Variants in PTCHD1 observed in about 807,000 individuals in gnomAD.
PTCHD1 encodes patched domain containing 1, also known as patched domain-containing protein 1.
Under a neutral mutation model 34.6 loss-of-function variants are expected in PTCHD1, and 3 were observed. The observed-to-expected ratio is 0.09, with a 90% CI of 0.04 to 0.22. The LOEUF is 0.22. PTCHD1 is among the 10% of genes least tolerant of loss of function. The pLI, the probability that PTCHD1 is intolerant of heterozygous loss-of-function variation, is 1.00. For missense variants in PTCHD1, 504 were observed against 685.5 expected, an observed-to-expected ratio of 0.74 and a Z score of 2.96; for synonymous variants, 305 against 283.1, an observed-to-expected ratio of 1.08 and a Z score of -0.77.
intron 1 of PTCHD1, among the ~76,000 whole-genome samples, chrX:23,360,893 C>A (rs1482436052): frequency 8.9e-6 from 1 of 112,209 alleles, no homozygotes; most frequent in Non-Finnish European, 1.9e-5. Flanking sequence ...TTTCTGCCTT[C>A]ATTTCGTTAT....
rs1922043364 is a variant in PTCHD1, at chrX:23,363,341, G to A, written c.352-16250G>A. ...GCTTCCAGGGCAGCTTTGTTTACCTGCTCAAGCCTCAGCAGTGGCGGACGC... is the reference window on the plus strand; with the variant it reads ...GCTTCCAGGGCAGCTTTGTTTACCTACTCAAGCCTCAGCAGTGGCGGACGC... On this transcript the variant is annotated intron_variant, in intron 1 of 2. Transcript: ENST00000379361. Among the ~76,000 whole-genome samples the A allele has an allele frequency of 2.7e-5, 3 of 112,627 alleles. No homozygotes were observed. The Admixed American group carries it at 2.8e-4, about 11-fold the overall frequency.
chrX:23,355,177 G>A (rs753442943), intron 1 of PTCHD1, among the ~76,000 whole-genome samples: 15 of 110,581 alleles, frequency 1.4e-4, no homozygotes, highest in Admixed American at 4.8e-4. Flanking sequence ...GAGATTCCAC[G>A]GAAGGTGTCC....
chrX:23,346,963 T>G (rs184424188), intron 1 of PTCHD1, among the ~76,000 whole-genome samples: 5 of 112,236 alleles, frequency 4.5e-5, no homozygotes, highest in Admixed American at 1.9e-4. Flanking sequence ...AGGTCTCAAT[T>G]TCTTCATCTA....
At chrX:23,335,871 G>C (rs916403953) in intron 1 of PTCHD1, among the ~76,000 whole-genome samples, 1 of 112,070 alleles carries the variant, frequency 8.9e-6, no homozygotes, top group Admixed American at 9.4e-5. Flanking sequence ...CTATCTTCTA[G>C]GGTATGAAAT....
At chrX:23,387,730 T>G in intron 2 of PTCHD1, among the ~76,000 whole-genome samples, 1 of 111,680 alleles carries the variant, frequency 9.0e-6, no homozygotes, top group African/African-American at 3.3e-5. Context: ...CTTCAATCTC[T>G]CTCTCTCTCT....
intron 1 of PTCHD1, among the ~76,000 whole-genome samples, chrX:23,357,612 G>T (rs1048795178): frequency 1.8e-5 from 2 of 111,164 alleles, no homozygotes; most frequent in Non-Finnish European, 3.8e-5. Flanking sequence ...ATTGGTAGAA[G>T]AAAAATGGCC....
intron 1 of PTCHD1, among the ~76,000 whole-genome samples, chrX:23,352,605 G>A (rs1229836794): frequency 9.0e-6 from 1 of 111,192 alleles, no homozygotes; most frequent in Non-Finnish European, 1.9e-5. Flanking sequence ...ATAGAGGTTG[G>A]GATGGTGTGA....
chrX:23,375,380 T>C (rs375802224), intron 1 of PTCHD1, among the ~76,000 whole-genome samples: 9 of 108,525 alleles, frequency 8.3e-5, no homozygotes, highest in Non-Finnish European at 7.7e-5. Context: ...AGCTCCGCCT[T>C]CCGGGTTCAC....
intron 1 of PTCHD1, among the ~76,000 whole-genome samples, chrX:23,360,091 G>C (rs1921931351): frequency 8.9e-6 from 1 of 111,915 alleles, no homozygotes. Context: ...GTTCATCAGG[G>C]ATATTTACCT....
At chrX:23,342,290 ATATATATATATATATATATATT>A (rs1343227846) in intron 1 of PTCHD1, among the ~76,000 whole-genome samples, 18 of 5,990 alleles carry the variant, frequency 3.0e-3, no homozygotes, top group Admixed American at 0.02. Context: ...ATATATATAT[ATATATATATATATATATATATT>A]TTTTTTTTTT....
intron 2 of PTCHD1, among the ~76,000 whole-genome samples, chrX:23,390,420 T>C (rs16982640): frequency 1.4e-4 from 16 of 110,800 alleles, no homozygotes; most frequent in African/African-American, 4.3e-4. Context: ...GTCAAGAGAA[T>C]GGTTACTTAA....
chrX:23,341,714 G>GA (rs11410011), intron 1 of PTCHD1, among the ~76,000 whole-genome samples: 4,376 of 111,699 alleles, frequency 0.039, 237 homozygotes, highest in African/African-American at 0.13. Context: ...ACAAGAAAAG[G>GA]AAAAAAAGAA....
At chrX:23,362,152 A>G (rs4427321) in intron 1 of PTCHD1, among the ~76,000 whole-genome samples, 52,254 of 110,208 alleles carry the variant, frequency 0.47, 9,437 homozygotes, top group Non-Finnish European at 0.52. Flanking sequence ...CTTGAGGAGT[A>G]TCTTTGTGGT....
rs1245141659 is a variant in PTCHD1 at position 23,398,831 on chromosome X, T to A, written c.*4646T>A. On this transcript the variant is annotated 3_prime_UTR_variant, in exon 3 of 3. Coordinates refer to ENST00000379361, the MANE Select transcript of PTCHD1 (RefSeq NM_173495.3). Reference sequence around the variant, plus strand: ...GCAGTGCCAGGATGTCCCCCCCAGCTTGCCTCTCACCCGCCCCGCTGCTGC... The same window carrying A: ...GCAGTGCCAGGATGTCCCCCCCAGCATGCCTCTCACCCGCCCCGCTGCTGC... 9.1e-6 allele frequency: 1 copy of A among 110,403 alleles called. No homozygotes were observed. The highest frequency in any genetic ancestry group is 1.9e-5 in the Non-Finnish European group (1 of 52,926). The allele number at this position is 110,403 out of a possible 1,213,427, so 9.1% of individuals were successfully genotyped here.
intron 1 of PTCHD1, among the ~76,000 whole-genome samples, chrX:23,343,131 T>C (rs1472685222): frequency 8.9e-6 from 1 of 112,506 alleles, no homozygotes; most frequent in East Asian, 2.8e-4. Context: ...TTTATTTTGG[T>C]CAAATATAAT....
rs1922916387 is a variant in PTCHD1, at chrX:23,394,301, CCAA to C, written c.*117_*119del. On this transcript the variant is annotated 3_prime_UTR_variant, in exon 3 of 3. Coordinates refer to ENST00000379361, the MANE Select transcript of PTCHD1 (RefSeq NM_173495.3). ...TTTTAAAGATAGGAAACAGGCATTG[CCAA>C]AAAAAAAAAAAAAAAAAAAAGGAAA... 3 of 113,330 alleles carry C rather than the reference CCAA, an allele frequency of 2.6e-5. No individual in the cohort carries two copies. The highest frequency in any genetic ancestry group is 4.4e-5 in the Non-Finnish European group (3 of 68,700). The allele number at this position is 113,330 out of a possible 1,213,427, so 9.3% of individuals were successfully genotyped here. A position where few individuals can be genotyped will look rare whatever the true frequency, so the allele number is the denominator to read the frequency against.
intron 1 of PTCHD1, among the ~76,000 whole-genome samples, chrX:23,375,459 T>C (rs372105786): frequency 9.0e-6 from 1 of 110,927 alleles, no homozygotes; most frequent in Non-Finnish European, 1.9e-5. Flanking sequence ...GCCCGGCTAA[T>C]TTTTTGTATT....
In PTCHD1 at chrX:23,392,821, T is replaced by C. The variant is rs759494669; in HGVS notation, c.1303T>C (p.Tyr435His). The change falls in exon 3 of 3, where the codon TAC becomes CAC. Residue 435 changes from tyrosine to histidine, a missense_variant. Physicochemically the swap from Tyr to His is moderately conservative, Grantham distance 83. Transcript: ENST00000379361. ...GTTCACTGGCTACATAGAAAACAATTACCAGCATAGTATCTTCTGTAGAAA... is the reference window on the plus strand; with the variant it reads ...GTTCACTGGCTACATAGAAAACAATCACCAGCATAGTATCTTCTGTAGAAA... ...LVFTGYIENN[Y>H]QHSIFCRKVP... is the part of the protein sequence containing the mutation. 7 of 1,210,624 alleles carry C rather than the reference T, an allele frequency of 5.8e-6. No homozygotes were observed. The Admixed American group carries it at 1.3e-4, about 23-fold the overall frequency.
intron 1 of PTCHD1, among the ~76,000 whole-genome samples, chrX:23,367,100 A>C (rs1400327972): frequency 1.8e-5 from 2 of 112,153 alleles, no homozygotes; most frequent in Middle Eastern, 4.2e-3. Context: ...ATCTGCCTGA[A>C]GTCCCTCCAC....
Sources: gnomAD v4.1 joint callset for allele counts (sites outside exome capture counted in the v4.1 genomes callset) on GRCh38, gnomAD v4.1.1 for gene constraint, MANE v1.5 for transcripts, NCBI Gene and HGNC (gene_info 2026-07-23, HGNC 2026-07-21) for gene names.